Variants in TJP1 observed in about 807,000 individuals in gnomAD.
TJP1 encodes the protein tight junction protein 1.
A neutral mutation model predicts 194.2 loss-of-function variants in TJP1; 43 were observed. The observed-to-expected ratio is 0.22, with a 90% CI of 0.17 to 0.29. The LOEUF (loss-of-function observed/expected upper bound fraction) is 0.29. TJP1 is among the 10% of genes least tolerant of loss of function. The pLI, the probability that TJP1 is intolerant of heterozygous loss-of-function variation, is 1.00. For synonymous variants in TJP1, 801 were observed against 779.0 expected (o/e 1.03, Z -0.47); for missense variants, 1,971 against 2,185.7 (o/e 0.90, Z 1.96).
intron 2 of TJP1, among the ~76,000 whole-genome samples, chr15:29,852,080 C>A (rs1046968178): frequency 1.3e-5 from 2 of 152,056 alleles, no homozygotes; most frequent in Non-Finnish European, 2.9e-5. Flanking sequence ...ATTTCTTAGA[C>A]CTGACACTAA....
chr15:29,734,461 A>C, intron 11 of TJP1, 79 bp from the exon 12 acceptor site: 6 of 1,014,578 alleles, frequency 5.9e-6, no homozygotes, highest in South Asian at 1.5e-5. Context: ...AGATACTCTC[A>C]GTCTACCTAA....
intron 15 of TJP1, chr15:29,730,571 T>C (rs564081459): frequency 1.2e-5 from 6 of 500,316 alleles, no homozygotes; most frequent in South Asian, 7.9e-5. Flanking sequence ...CACTCCTGCC[T>C]GGGCAAGAGT....
At chr15:29,702,092 CTT>C (rs200847680) in intron 27 of TJP1, among the ~76,000 whole-genome samples, 5 of 145,992 alleles carry the variant, frequency 3.4e-5, no homozygotes, top group Admixed American at 6.8e-5. Context: ...ATCAGTAGCA[CTT>C]TTTTTTTTTT....
At chr15:29,953,392 T>G (rs2055827091) in intron 2 of TJP1, among the ~76,000 whole-genome samples, 1 of 152,124 alleles carries the variant, frequency 6.6e-6, no homozygotes, top group African/African-American at 2.4e-5. Flanking sequence ...TCCACCCACC[T>G]TGGCCTCCCA....
In TJP1 at chr15:29,881,498, C is replaced by T. The variant is rs186295452; in HGVS notation, c.306+74734G>A. On this transcript the variant is annotated intron_variant, in intron 2 of 28. Coordinates refer to the TJP1 transcript ENST00000356107. Reference sequence around the variant, plus strand: ...GAGGTGAAGTTTAGAGCCCTATTACCTGAGTTTAAATTCTGCCAGTGTCAC... The same window carrying T: ...GAGGTGAAGTTTAGAGCCCTATTACTTGAGTTTAAATTCTGCCAGTGTCAC... Among the ~76,000 whole-genome samples, 5 of 152,266 alleles carry T rather than the reference C, an allele frequency of 3.3e-5. No individual in the cohort carries two copies. In the East Asian group the frequency reaches 9.7e-4, roughly 29 times the overall value.
intron 9 of TJP1, among the ~76,000 whole-genome samples, chr15:29,742,117 G>T (rs1472874644): frequency 6.6e-6 from 1 of 151,948 alleles, no homozygotes; most frequent in Non-Finnish European, 1.5e-5. Context: ...ACCCAAAATA[G>T]CCAGGTGCGG....
chr15:29,898,910 G>A (rs922398846), intron 2 of TJP1, among the ~76,000 whole-genome samples: 2 of 152,142 alleles, frequency 1.3e-5, no homozygotes, highest in African/African-American at 4.8e-5. Context: ...AAATACATAG[G>A]TTATAGATAA....
At chr15:29,925,248 T>C (rs2054489432) in intron 2 of TJP1, among the ~76,000 whole-genome samples, 1 of 152,212 alleles carries the variant, frequency 6.6e-6, no homozygotes, top group East Asian at 1.9e-4. Flanking sequence ...TTTCAGAATA[T>C]ACTGTATAAT....
chr15:29,716,024 C>T (rs528222822), intron 23 of TJP1, among the ~76,000 whole-genome samples: 3 of 152,178 alleles, frequency 2.0e-5, no homozygotes, highest in South Asian at 2.1e-4. Context: ...CACAAACCCA[C>T]GCAGGCACAA....
intron 2 of TJP1, among the ~76,000 whole-genome samples, chr15:29,868,057 CAAA>C (rs33939764): frequency 7.9e-6 from 1 of 127,358 alleles, no homozygotes. Context: ...GATTCTGTCT[CAAA>C]AAAAAAAAAA....
rs1354519749 is a variant in TJP1 at position 29,950,153 on chromosome 15, TCCA to T, written c.306+6076_306+6078del. The stretch of plus-strand genomic sequence containing the variant: ...CTCCACCACCACCACAACCACCACC[TCCA>T]CCACCACCACAACCACTACCTCCAC... On this transcript the variant is annotated intron_variant, in intron 2 of 28. Transcript: ENST00000356107. Among the ~76,000 whole-genome samples, 540 of 56,720 alleles carry T rather than the reference TCCA, an allele frequency of 9.5e-3. 53 individuals carry two copies. Among genetic ancestry groups the T allele is most frequent in the Middle Eastern group, 0.03 (2 of 66 alleles). The allele number at this position is 56,720 out of a possible 152,430, so 37.2% of individuals were successfully genotyped here.
At chr15:29,937,091 A>G (rs574730839) in intron 2 of TJP1, among the ~76,000 whole-genome samples, 11 of 152,340 alleles carry the variant, frequency 7.2e-5, no homozygotes, top group African/African-American at 2.4e-4. Flanking sequence ...AATTTACACA[A>G]TTCTTTCAGT....
chr15:29,950,246 T>A (rs1297986992), intron 2 of TJP1, among the ~76,000 whole-genome samples: 1 of 125,674 alleles, frequency 8.0e-6, no homozygotes, highest in African/African-American at 3.1e-5. Flanking sequence ...CACCACCTCC[T>A]TCACTACCAC....
intron 4 of TJP1, among the ~76,000 whole-genome samples, chr15:29,771,602 G>A (rs188482642): frequency 2.6e-5 from 4 of 151,914 alleles, no homozygotes; most frequent in East Asian, 1.9e-4. Context: ...TCAGGAGATC[G>A]AGACCATCCT....
At chr15:29,907,205 C>A (rs897711049) in intron 2 of TJP1, among the ~76,000 whole-genome samples, 1 of 151,932 alleles carries the variant, frequency 6.6e-6, no homozygotes, top group African/African-American at 2.4e-5. Context: ...GTCAGGAGAT[C>A]GAGACCATCC....
chr15:29,841,079 G>A (rs2051207414), intron 2 of TJP1, among the ~76,000 whole-genome samples: 1 of 152,134 alleles, frequency 6.6e-6, no homozygotes. Context: ...ATAGGACACT[G>A]GCATTTCCCA....
intron 2 of TJP1, among the ~76,000 whole-genome samples, chr15:29,903,838 G>C (rs1296860172): frequency 7.2e-5 from 11 of 152,196 alleles, no homozygotes; most frequent in Non-Finnish European, 1.5e-4. Flanking sequence ...AATCTAAGTA[G>C]ACCACAGCAA....
chr15:29,829,861 C>A (rs1051521086), intron 2 of TJP1, among the ~76,000 whole-genome samples: 1 of 151,734 alleles, frequency 6.6e-6, no homozygotes, highest in Non-Finnish European at 1.5e-5. Flanking sequence ...GATAAATACA[C>A]ATCTGTAAAA....
At chr15:29,825,462 G>A, upstream of TJP1, among the ~76,000 whole-genome samples, 1 of 152,152 alleles carries the variant, frequency 6.6e-6, no homozygotes. Flanking sequence ...ACTTCCTGTG[G>A]GATTTTTGGT....
Sources: gnomAD v4.1 joint callset for allele counts (sites outside exome capture counted in the v4.1 genomes callset) on GRCh38, gnomAD v4.1.1 for gene constraint, MANE v1.5 for transcripts, NCBI Gene and HGNC (gene_info 2026-07-23, HGNC 2026-07-21) for gene names.